Variants in CFAP299 observed in about 807,000 individuals in gnomAD.
The protein encoded by CFAP299 is cilia and flagella associated protein 299.
CFAP299 carries 21 observed loss-of-function variants against 27.0 expected under a neutral mutation model. That is an observed-to-expected ratio of 0.78 (90% CI 0.55 to 1.12). The LOEUF (loss-of-function observed/expected upper bound fraction) is 1.12, where lower values mean the gene tolerates loss of function less well. CFAP299 is among the 50% of genes most tolerant of loss of function. CFAP299 has a pLI of 0.00. For synonymous variants in CFAP299, 104 were observed against 98.1 expected, an observed-to-expected ratio of 1.06 and a Z score of -0.36; for missense variants, 310 against 276.6, an observed-to-expected ratio of 1.12 and a Z score of -0.86.
At position 80,864,447 on chromosome 4, in the gene CFAP299, T is replaced by C. The variant is rs184479061; in HGVS notation, c.334-5546T>C. On this transcript the variant is annotated intron_variant, in intron 3 of 5. Transcript: ENST00000358105. ...ATATATAGGTATATATATATATATATACCTATATAAGTATATATATACCTA... is the reference window on the plus strand; with the variant it reads ...ATATATAGGTATATATATATATATACACCTATATAAGTATATATATACCTA... Among the ~76,000 whole-genome samples the C allele has an allele frequency of 1.5e-3, 222 of 144,654 alleles. 3 individuals are homozygous for C. The East Asian group carries it at 0.033, about 22-fold the overall frequency. 94.9% of individuals were successfully genotyped at this position (144,654 alleles called of 152,430 possible). A position where few individuals can be genotyped will look rare whatever the true frequency, so the allele number is the denominator to read the frequency against.
chr4:80,424,259 G>T (rs181950944), intron 2 of CFAP299, among the ~76,000 whole-genome samples: 2 of 152,314 alleles, frequency 1.3e-5, no homozygotes, highest in East Asian at 3.9e-4. Context: ...TATGTGGAAG[G>T]CAAGGTTGCA....
intron 3 of CFAP299, among the ~76,000 whole-genome samples, chr4:80,647,974 T>G (rs1740110458): frequency 6.6e-6 from 1 of 152,114 alleles, no homozygotes; most frequent in Admixed American, 6.6e-5. Flanking sequence ...AGGGAATCAC[T>G]TGAACCCAGG....
At position 80,600,469 on chromosome 4, in the gene CFAP299, C is replaced by T. The variant is rs75319151; in HGVS notation, c.333+17286C>T. Among the ~76,000 whole-genome samples the T allele has an allele frequency of 1.1e-3, 162 of 152,196 alleles. 1 individual carries two copies. The highest frequency in any genetic ancestry group is 3.7e-3 in the African/African-American group (152 of 41,550). On this transcript the variant is annotated intron_variant, in intron 3 of 5. Coordinates refer to ENST00000358105, the MANE Select transcript of CFAP299 (RefSeq NM_152770.3). ...TGTTTAGGTCTGTTTTCTCTTTTGA[C>T]AGTGTACGTTTATTTTCCAAATACA...
At chr4:80,544,483 A>C (rs531436591) in intron 2 of CFAP299, among the ~76,000 whole-genome samples, 2 of 152,306 alleles carry the variant, frequency 1.3e-5, no homozygotes, top group Admixed American at 1.3e-4. Context: ...TCATCTCACA[A>C]ATATGACATC....
At chr4:80,526,358 A>C (rs1403650145) in intron 2 of CFAP299, among the ~76,000 whole-genome samples, 2 of 152,298 alleles carry the variant, frequency 1.3e-5, no homozygotes, top group Non-Finnish European at 2.9e-5. Context: ...TCTCTTCCTC[A>C]GGACCTCAGC....
chr4:80,634,533 A>T (rs1295688444), intron 3 of CFAP299, among the ~76,000 whole-genome samples: 1 of 152,174 alleles, frequency 6.6e-6, no homozygotes, highest in Non-Finnish European at 1.5e-5. Context: ...CTGCTGTTTT[A>T]TAAATACTAT....
At chr4:80,576,987 CA>C (rs1456146476) in intron 2 of CFAP299, among the ~76,000 whole-genome samples, 1 of 152,168 alleles carries the variant, frequency 6.6e-6, no homozygotes, top group Non-Finnish European at 1.5e-5. Flanking sequence ...TGATTACTCC[CA>C]GGGGAACCCC....
intron 3 of CFAP299, among the ~76,000 whole-genome samples, chr4:80,592,713 CA>C (rs902459348): frequency 2.6e-5 from 4 of 152,130 alleles, no homozygotes; most frequent in Admixed American, 2.6e-4. Context: ...ATCTATTTTG[CA>C]AAGCATGATG....
chr4:80,930,260 GC>G (rs973989141), intron 4 of CFAP299, among the ~76,000 whole-genome samples: 12 of 152,158 alleles, frequency 7.9e-5, no homozygotes, highest in African/African-American at 2.9e-4. Context: ...GGGCTTGGAA[GC>G]CCTTCCCATA....
At chr4:80,388,118 T>C (rs937500190) in intron 2 of CFAP299, 10 of 682,372 alleles carry the variant, frequency 1.5e-5, no homozygotes, top group Non-Finnish European at 2.4e-5. Context: ...CCCACCAGGA[T>C]TGGGATGCCC....
Position 80,510,949 on chromosome 4 carries a change from A to G in CFAP299, c.243-72144A>G, listed in dbSNP as rs183767058. 9.6e-4 allele frequency among the ~76,000 whole-genome samples: 146 copies of G among 152,280 alleles called. No homozygotes were observed. In the Middle Eastern group the frequency reaches 0.014, roughly 14 times the overall value. ...CTGATGGGTAACTGATGACTGGCCA[A>G]CCTCTGGCTTCTTTTAGCCATCTAG... On this transcript the variant is annotated intron_variant, in intron 2 of 5. Transcript: ENST00000358105.
At chr4:80,373,660 G>T (rs987459740) in intron 2 of CFAP299, among the ~76,000 whole-genome samples, 23 of 152,166 alleles carry the variant, frequency 1.5e-4, no homozygotes, top group Admixed American at 5.2e-4. Context: ...AGTGCCCTTG[G>T]TGGTCATTGG....
intron 4 of CFAP299, among the ~76,000 whole-genome samples, chr4:80,932,230 CTT>C (rs1272999336): frequency 6.6e-6 from 1 of 152,080 alleles, no homozygotes; most frequent in East Asian, 1.9e-4. Context: ...TGCCATAACT[CTT>C]AATTTTCTTA....
At chr4:80,799,861 ATATT>A (rs1334815491) in intron 3 of CFAP299, among the ~76,000 whole-genome samples, 6 of 30,836 alleles carry the variant, frequency 1.9e-4, no homozygotes, top group African/African-American at 9.7e-4. Context: ...ATATAAATAT[ATATT>A]ATATATATTA....
At chr4:80,430,391 A>AT (rs1727752105) in intron 2 of CFAP299, among the ~76,000 whole-genome samples, 1 of 151,942 alleles carries the variant, frequency 6.6e-6, no homozygotes, top group South Asian at 2.1e-4. Flanking sequence ...TAGCTTTGGG[A>AT]TTTTCCCAAG....
In CFAP299 at chr4:80,595,561, G is replaced by A. The variant is rs1737019566; in HGVS notation, c.333+12378G>A. ...TGATAGGCCAGTTCTACAGTGACTT[G>A]TTGATATAAATGCTCTGCATCTTAT... On this transcript the variant is annotated intron_variant, in intron 3 of 5. Coordinates refer to ENST00000358105, the MANE Select transcript of CFAP299 (RefSeq NM_152770.3). Among the ~76,000 whole-genome samples, 3 of 152,112 alleles carry A rather than the reference G, an allele frequency of 2.0e-5. No homozygotes were observed. In the South Asian group the frequency reaches 6.2e-4, roughly 31 times the overall value.
chr4:80,955,948 T>C (rs1264978868), intron 5 of CFAP299, among the ~76,000 whole-genome samples: 1 of 152,088 alleles, frequency 6.6e-6, no homozygotes, highest in Non-Finnish European at 1.5e-5. Flanking sequence ...TGCAGTGAGC[T>C]GAGATAGATT....
At chr4:80,723,721 A>G in intron 3 of CFAP299, among the ~76,000 whole-genome samples, 1 of 152,184 alleles carries the variant, frequency 6.6e-6, no homozygotes, top group East Asian at 1.9e-4. Flanking sequence ...TGTGTATTTT[A>G]TTGTATGTCA....
chr4:80,902,417 AATATGT>A (rs1734948272), intron 4 of CFAP299, among the ~76,000 whole-genome samples: 2 of 133,386 alleles, frequency 1.5e-5, no homozygotes, highest in South Asian at 4.7e-4. Context: ...ATAAATATAT[AATATGT>A]TTATATATGT....
Sources: gnomAD v4.1 joint callset for allele counts (sites outside exome capture counted in the v4.1 genomes callset) on GRCh38, gnomAD v4.1.1 for gene constraint, MANE v1.5 for transcripts, NCBI Gene and HGNC (gene_info 2026-07-23, HGNC 2026-07-21) for gene names.